Variants in TNNT1 observed in about 807,000 individuals in gnomAD.
TNNT1 encodes the protein troponin T1, slow skeletal type, also known as troponin T, slow skeletal muscle.
Under a neutral mutation model 50.6 loss-of-function variants are expected in TNNT1, and 53 were observed. The observed-to-expected ratio is 1.05, with a 90% CI of 0.84 to 1.32. TNNT1 has a LOEUF of 1.32. TNNT1 is among the 40% of genes most tolerant of loss of function. TNNT1 has a pLI of 0.00. For missense variants in TNNT1, 348 were observed against 381.7 expected (o/e 0.91, Z 0.74); for synonymous variants, 142 against 138.0 (o/e 1.03, Z -0.20).
intron 6 of TNNT1, chr19:55,142,149 C>A (rs1041454084): frequency 2.1e-6 from 1 of 481,730 alleles, no homozygotes; most frequent in Non-Finnish European, 3.8e-6. Flanking sequence ...TTGACGGAGT[C>A]TTGCTCTGTC....
chr19:55,147,010 T>G lies in TNNT1; in HGVS notation c.44A>C (p.Glu15Ala). The G allele has an allele frequency of 6.2e-7, 1 of 1,610,240 alleles. No homozygotes were observed. The highest frequency in any genetic ancestry group is 8.5e-7 in the Non-Finnish European group (1 of 1,178,670). The change falls in exon 3 of 14, where the codon GAA becomes GCA. Residue 15 changes from glutamate (E) to alanine (A), a missense_variant and splice_region_variant. Transcript: ENST00000588981. Reference sequence around the variant, plus strand: ...GGGCCGGCCCACTCCCTACTCACCTTCCGGCTGCTCCCTGCGGACGGGTGT... The same window carrying G: ...GGGCCGGCCCACTCCCTACTCACCTGCCGGCTGCTCCCTGCGGACGGGTGT... ...EEQEYEEEQP[E>A]EEAAEEEEEA...
intron 10 of TNNT1, among the ~76,000 whole-genome samples, chr19:55,137,641 T>A: frequency 1.2e-5 from 1 of 83,620 alleles, no homozygotes; most frequent in African/African-American, 5.3e-5. Context: ...CCTCTCAGAC[T>A]GAGTCCAAGC....
intron 11 of TNNT1, among the ~76,000 whole-genome samples, chr19:55,136,218 A>C (rs1057104642): frequency 1.3e-4 from 20 of 152,068 alleles, no homozygotes; most frequent in African/African-American, 4.6e-4. Context: ...TATCTACCTC[A>C]CAGGGTTGTA....
chr19:55,133,755 A>G, intron 13 of TNNT1, 132 bp downstream of exon 13: 1 of 1,007,264 alleles, frequency 9.9e-7, no homozygotes, highest in Non-Finnish European at 1.6e-6. Context: ...AGGAGGACAG[A>G]GAAGGAAGGA....
At chr19:55,142,092 C>T (rs532588740) in intron 6 of TNNT1, 172 bp from the exon 7 acceptor site, 25 of 638,048 alleles carry the variant, frequency 3.9e-5, no homozygotes, top group African/African-American at 3.5e-4. Flanking sequence ...GGTAAAATAC[C>T]TCACTACTCA....
intron 3 of TNNT1, 116 bp downstream of exon 3, chr19:55,146,892 G>T: frequency 7.3e-7 from 1 of 1,362,724 alleles, no homozygotes. Flanking sequence ...GAGGGCGGGC[G>T]AGGGCCCGAG....
chr19:55,141,388 T>A, intron 7 of TNNT1, 86 bp from the exon 8 acceptor site: 1 of 1,000,876 alleles, frequency 1.0e-6, no homozygotes, highest in Non-Finnish European at 1.6e-6. Context: ...GATGGTGAAC[T>A]GAACCGTTTC....
rs531850313 is a variant in TNNT1 at position 55,132,968 on chromosome 19, A to G, written c.792-8T>C. On this transcript the variant is annotated splice_polypyrimidine_tract_variant and splice_region_variant and intron_variant, in intron 13 of 13. Transcript: ENST00000588981. ...TTCCCTGCCCCCTTCCGGCTGTAGA[A>G]GAATGAGGTGGTATCAGGAAAAAGG... The G allele has an allele frequency of 2.5e-6, 4 of 1,599,290 alleles. No individual in the cohort carries two copies. Among genetic ancestry groups the G allele is most frequent in the Non-Finnish European group, 3.4e-6 (4 of 1,174,206 alleles).
chr19:55,145,357 G>GGAGGAGGGAGGAGGAGGGA (rs2085528612), intron 6 of TNNT1, 187 bp downstream of exon 6: 1 of 657,666 alleles, frequency 1.5e-6, no homozygotes, highest in African/African-American at 1.8e-5. Flanking sequence ...AAGTGGAGGA[G>GGAGGAGGGAGGAGGAGGGA]GAGGAGGGAG....
intron 11 of TNNT1, chr19:55,135,531 T>C: frequency 3.9e-6 from 1 of 254,080 alleles, no homozygotes; most frequent in Non-Finnish European, 7.7e-6. Context: ...CAGCCTTTTT[T>C]TTTTTTTTTT....
chr19:55,133,937 C>G lies in TNNT1; in HGVS notation c.751-10G>C. The G allele has an allele frequency of 6.2e-7, 1 of 1,612,578 alleles. No individual in the cohort carries two copies. The highest frequency in any genetic ancestry group is 2.2e-5 in the East Asian group (1 of 44,848). ...TGTACAGCACGTTGATCTGCGGAGG[C>G]AGAAGACAGATGCTGGGACAGCCGG... is the stretch of plus-strand genomic sequence containing the variant. On this transcript the variant is annotated splice_polypyrimidine_tract_variant and intron_variant, in intron 12 of 13. Transcript: ENST00000588981.
intron 10 of TNNT1, among the ~76,000 whole-genome samples, chr19:55,137,735 T>G (rs1447015507): frequency 1.7e-5 from 1 of 59,360 alleles, no homozygotes. Context: ...CCTCAGCCCC[T>G]CCTCCCTCAG....
chr19:55,139,269 G>C (rs1046352240), intron 9 of TNNT1, among the ~76,000 whole-genome samples: 1 of 152,172 alleles, frequency 6.6e-6, no homozygotes, highest in Non-Finnish European at 1.5e-5. Context: ...CAAAGTGCTG[G>C]GATTACAGGC....
intron 9 of TNNT1, chr19:55,140,634 G>A (rs145461723): frequency 2.8e-4 from 54 of 191,852 alleles, no homozygotes; most frequent in Admixed American, 1.7e-3. Context: ...AAATTTAGCC[G>A]GGCGTGGTGG....
rs1314759674 is a variant in TNNT1, at chr19:55,141,318, G to C, written c.193-16C>G. 6.2e-7 allele frequency: 1 copy of C among 1,607,908 alleles called. No individual in the cohort carries two copies. Among genetic ancestry groups the C allele is most frequent in the Non-Finnish European group, 8.5e-7 (1 of 1,174,524 alleles). On this transcript the variant is annotated splice_polypyrimidine_tract_variant and intron_variant, in intron 7 of 13. Transcript: ENST00000588981. ...GGTGGATGTCCTGCAGGACACACGGGCAGCCCGTCCTAGGAGACCCTGGAG... is the reference window on the plus strand; with the variant it reads ...GGTGGATGTCCTGCAGGACACACGGCCAGCCCGTCCTAGGAGACCCTGGAG...
chr19:55,140,762 G>A, intron 9 of TNNT1, 121 bp downstream of exon 9: 3 of 676,888 alleles, frequency 4.4e-6, no homozygotes, highest in Non-Finnish European at 6.3e-6. Context: ...GGGCGACAGA[G>A]CTAGACTCCG....
Position 55,146,483 on chromosome 19 carries a change from G to C in TNNT1, c.74-17C>G. On this transcript the variant is annotated splice_polypyrimidine_tract_variant and intron_variant, in intron 4 of 13. Coordinates refer to ENST00000588981, the MANE Select transcript of TNNT1 (RefSeq NM_003283.6). ...CTTCGGGGGCTGGGGAGGGGAGGGA[G>C]GAGCAGCGAGGGTTTGGGGAGCGAG... The C allele has an allele frequency of 7.3e-7, 1 of 1,361,764 alleles. No homozygotes were observed. The highest frequency in any genetic ancestry group is 1.7e-5 in the South Asian group (1 of 58,120). 84.4% of individuals were successfully genotyped at this position (1,361,764 alleles called of 1,614,324 possible). A position where few individuals can be genotyped will look rare whatever the true frequency, so the allele number is the denominator to read the frequency against.
At chr19:55,143,298 C>CA in intron 6 of TNNT1, among the ~76,000 whole-genome samples, 1 of 152,324 alleles carries the variant, frequency 6.6e-6, no homozygotes, top group Admixed American at 6.5e-5. Context: ...CTGCGCCCAG[C>CA]CTTTAGTAAG....
chr19:55,144,644 C>T (rs533082725), intron 6 of TNNT1, among the ~76,000 whole-genome samples: 1 of 152,310 alleles, frequency 6.6e-6, no homozygotes, highest in East Asian at 1.9e-4. Context: ...CCTGCCGCTG[C>T]GCAGGCAGAG....
Sources: gnomAD v4.1 joint callset for allele counts (sites outside exome capture counted in the v4.1 genomes callset) on GRCh38, gnomAD v4.1.1 for gene constraint, MANE v1.5 for transcripts, NCBI Gene and HGNC (gene_info 2026-07-23, HGNC 2026-07-21) for gene names.